Variants in ZNF346 observed in about 807,000 individuals in gnomAD.
ZNF346 encodes the protein zinc finger protein 346.
In ZNF346, 23 loss-of-function variants were observed where a neutral mutation model predicts 33.7. The observed-to-expected ratio is 0.68, with a 90% CI of 0.49 to 0.97. The LOEUF (loss-of-function observed/expected upper bound fraction) is 0.97, where lower values mean the gene tolerates loss of function less well. Ranked by LOEUF, ZNF346 falls within the 50% of genes least tolerant of loss-of-function variation. The probability of loss-of-function intolerance (pLI) is 0.00; values close to 1 mark genes in which losing one functional copy is unlikely to be tolerated. For missense variants in ZNF346, 340 were observed against 371.1 expected, an observed-to-expected ratio of 0.92 and a Z score of 0.69; for synonymous variants, 134 against 142.4, an observed-to-expected ratio of 0.94 and a Z score of 0.42.
intron 8 of ZNF346, among the ~76,000 whole-genome samples, chr5:177,074,707 G>A (rs574096752): frequency 6.6e-6 from 1 of 152,154 alleles, no homozygotes; most frequent in Non-Finnish European, 1.5e-5. Flanking sequence ...GAAAACGTTC[G>A]CTGAGAGCCA....
Position 177,051,174 on chromosome 5 carries a change from T to TC in ZNF346, c.703+238_703+239insC, listed in dbSNP as rs1343452421. On this transcript the variant is annotated intron_variant, in intron 5 of 6. Coordinates refer to ENST00000358149, the MANE Select transcript of ZNF346 (RefSeq NM_012279.4). ...ATATCTTTCAGGTTTTCTTTTCTTT[T>TC]TTTTTTTTTTTTTTTTTTGAGACAG... Among the ~76,000 whole-genome samples, 5 of 141,646 alleles carry TC rather than the reference T, an allele frequency of 3.5e-5. No homozygotes were observed. In the South Asian group the frequency reaches 7.0e-4, roughly 20 times the overall value. 92.9% of individuals were successfully genotyped at this position (141,646 alleles called of 152,430 possible). A position where few individuals can be genotyped will look rare whatever the true frequency, so the allele number is the denominator to read the frequency against.
Position 177,042,630 on chromosome 5 carries a change from C to G in ZNF346, c.372+760C>G, listed in dbSNP as rs534282242. Among the ~76,000 whole-genome samples, 3 of 152,304 alleles carry G rather than the reference C, an allele frequency of 2.0e-5. No individual in the cohort carries two copies. In the South Asian group the frequency reaches 6.2e-4, roughly 32 times the overall value. ...ACCTCCTATTATAGTAGCCACAGGTCAGGAAGGTCCTTGTTTATCTCTTCT... is the reference window on the plus strand; with the variant it reads ...ACCTCCTATTATAGTAGCCACAGGTGAGGAAGGTCCTTGTTTATCTCTTCT... On this transcript the variant is annotated intron_variant, in intron 3 of 6. Coordinates refer to ENST00000358149, the MANE Select transcript of ZNF346 (RefSeq NM_012279.4).
intron 4 of ZNF346, among the ~76,000 whole-genome samples, chr5:177,044,957 C>G (rs1779838853): frequency 6.6e-6 from 1 of 152,212 alleles, no homozygotes; most frequent in Non-Finnish European, 1.5e-5. Flanking sequence ...GGCCTACTCA[C>G]TTTAATCCTC....
intron 5 of ZNF346, among the ~76,000 whole-genome samples, chr5:177,059,912 A>G (rs1782250076): frequency 6.6e-6 from 1 of 152,208 alleles, no homozygotes; most frequent in South Asian, 2.1e-4. Flanking sequence ...CAAACTTCAG[A>G]AAAAAAGACA....
In ZNF346 at chr5:177,075,619, C is replaced by G. The variant is rs192196609; in HGVS notation, c.*3-3763C>G. Among the ~76,000 whole-genome samples the G allele has an allele frequency of 2.2e-3, 338 of 152,272 alleles. 2 individuals are homozygous for G. Among genetic ancestry groups the G allele is most frequent in the African/African-American group, 7.8e-3 (326 of 41,558 alleles). ...GCAGCCTCGATCTCCTGGGCTCAAA[C>G]AGTCCTCCCACCTCAGCCTCCTGAG... On this transcript the variant is annotated intron_variant, in intron 8 of 8. Coordinates refer to the ZNF346 transcript ENST00000503039.
At chr5:177,032,466 A>G (rs1334990641) in intron 1 of ZNF346, among the ~76,000 whole-genome samples, 1 of 151,590 alleles carries the variant, frequency 6.6e-6, no homozygotes, top group African/African-American at 2.4e-5. Context: ...GCTGGAGTGC[A>G]ATGGCACAAT....
chr5:177,066,305 A>C lies in ZNF346; in HGVS notation c.*1706A>C, dbSNP rs561957706. On this transcript the variant is annotated 3_prime_UTR_variant, in exon 7 of 7. Coordinates refer to ENST00000358149, the MANE Select transcript of ZNF346 (RefSeq NM_012279.4). ...AAAGGAGTGCAGGGAGGGGCAGGAAAGGAGACAAGGAGGCCAGTATGGACA... is the reference window on the plus strand; with the variant it reads ...AAAGGAGTGCAGGGAGGGGCAGGAACGGAGACAAGGAGGCCAGTATGGACA... Among the ~76,000 whole-genome samples the C allele has an allele frequency of 7.2e-5, 11 of 151,918 alleles. No homozygotes were observed. The highest frequency in any genetic ancestry group is 2.7e-4 in the African/African-American group (11 of 41,348).
At chr5:177,045,223 T>G (rs542101052) in intron 4 of ZNF346, among the ~76,000 whole-genome samples, 2 of 152,334 alleles carry the variant, frequency 1.3e-5, no homozygotes, top group Admixed American at 6.5e-5. Flanking sequence ...TTTATTTCAT[T>G]GTTTTCTTGA....
chr5:177,053,959 G>A (rs1386190604), intron 5 of ZNF346, among the ~76,000 whole-genome samples: 4 of 152,156 alleles, frequency 2.6e-5, no homozygotes, highest in African/African-American at 9.7e-5. Flanking sequence ...ATACAGTGTG[G>A]TGAACAAAGG....
At chr5:177,037,491 T>TC (rs1443991088) in intron 1 of ZNF346, among the ~76,000 whole-genome samples, 10 of 152,332 alleles carry the variant, frequency 6.6e-5, no homozygotes, top group African/African-American at 2.4e-4. Context: ...AAGGCTATCT[T>TC]CCCCTAGTTC....
At chr5:177,058,499 A>G (rs1782057419) in intron 5 of ZNF346, among the ~76,000 whole-genome samples, 1 of 151,762 alleles carries the variant, frequency 6.6e-6, no homozygotes, top group Non-Finnish European at 1.5e-5. Context: ...TAAAATAACT[A>G]GGCAGAGAGT....
At chr5:177,028,669 T>C (rs1777214771) in intron 1 of ZNF346, among the ~76,000 whole-genome samples, 1 of 146,476 alleles carries the variant, frequency 6.8e-6, no homozygotes, top group Non-Finnish European at 1.5e-5. Flanking sequence ...GCAAGAAAGG[T>C]GAAAAACAGA....
chr5:177,034,655 A>G (rs1247113555), intron 1 of ZNF346, among the ~76,000 whole-genome samples: 1 of 152,204 alleles, frequency 6.6e-6, no homozygotes, highest in Non-Finnish European at 1.5e-5. Flanking sequence ...CCTCTGCCCC[A>G]TACATCTTTT....
At chr5:177,028,707 CTTTTTTTTTTT>C (rs56172509) in intron 1 of ZNF346, among the ~76,000 whole-genome samples, 4 of 67,398 alleles carry the variant, frequency 5.9e-5, no homozygotes, top group East Asian at 5.6e-4. Flanking sequence ...AAGCCCCTTT[CTTTTTTTTTTT>C]TTTTTTTTTT....
At chr5:177,037,772 G>C (rs1163593261) in intron 1 of ZNF346, among the ~76,000 whole-genome samples, 4 of 152,098 alleles carry the variant, frequency 2.6e-5, no homozygotes, top group Non-Finnish European at 5.9e-5. Context: ...ACAACTGTCA[G>C]AGTAATCTTT....
At chr5:177,045,147 C>G (rs543438292) in intron 4 of ZNF346, among the ~76,000 whole-genome samples, 59 of 152,326 alleles carry the variant, frequency 3.9e-4, no homozygotes, top group African/African-American at 1.4e-3. Flanking sequence ...ATCTCATTAA[C>G]TCCTGACTTT....
chr5:177,044,655 AACCC>A, intron 4 of ZNF346, 122 bp downstream of exon 4: 1 of 1,049,644 alleles, frequency 9.5e-7, no homozygotes, highest in Non-Finnish European at 1.4e-6. Flanking sequence ...TGCTTTTGAG[AACCC>A]TTAAAAATCT....
chr5:177,056,188 T>C (rs1287744026), intron 5 of ZNF346, among the ~76,000 whole-genome samples: 1 of 151,530 alleles, frequency 6.6e-6, no homozygotes, highest in Non-Finnish European at 1.5e-5. Flanking sequence ...TGAGCTGAGA[T>C]CACACCACTG....
chr5:177,074,958 C>T (rs931104642), intron 8 of ZNF346, among the ~76,000 whole-genome samples: 6 of 151,112 alleles, frequency 4.0e-5, no homozygotes, highest in African/African-American at 4.9e-5. Flanking sequence ...CCCAGCTACT[C>T]GGGAGGCTGA....
Sources: gnomAD v4.1 joint callset for allele counts (sites outside exome capture counted in the v4.1 genomes callset) on GRCh38, gnomAD v4.1.1 for gene constraint, MANE v1.5 for transcripts, NCBI Gene and HGNC (gene_info 2026-07-23, HGNC 2026-07-21) for gene names.